ACTR3B: variants seen among roughly 807,000 people sequenced by gnomAD.
ACTR3B encodes the protein actin related protein 3B.
ACTR3B carries 8 observed loss-of-function variants against 59.0 expected under a neutral mutation model. That is an observed-to-expected ratio of 0.14 (90% CI 0.08 to 0.24). ACTR3B has a LOEUF of 0.24. ACTR3B is among the 10% of genes least tolerant of loss of function. The probability of loss-of-function intolerance (pLI) is 1.00; values close to 1 mark genes in which losing one functional copy is unlikely to be tolerated. For missense variants in ACTR3B, 245 were observed against 552.3 expected, an observed-to-expected ratio of 0.44 and a Z score of 5.58; for synonymous variants, 148 against 197.9, an observed-to-expected ratio of 0.75 and a Z score of 2.12.
intron 2 of ACTR3B, among the ~76,000 whole-genome samples, chr7:152,788,562 G>A (rs1283400386): frequency 2.0e-5 from 3 of 151,772 alleles, no homozygotes; most frequent in South Asian, 2.1e-4. Context: ...ACAGGTGCAC[G>A]CCACCATGCT....
At chr7:152,809,773 C>G (rs12703211) in intron 4 of ACTR3B, among the ~76,000 whole-genome samples, 36 of 152,176 alleles carry the variant, frequency 2.4e-4, no homozygotes, top group South Asian at 8.3e-4. Flanking sequence ...AAACTCCTGA[C>G]CTCATGATCC....
At position 152,800,556 on chromosome 7, in the gene ACTR3B, G is replaced by A. The variant is rs1263198465; in HGVS notation, c.126G>A (p.Lys42=). The A allele has an allele frequency of 3.1e-6, 5 of 1,613,844 alleles. No individual in the cohort carries two copies. The highest frequency in any genetic ancestry group is 4.2e-6 in the Non-Finnish European group (5 of 1,179,930). The change falls in exon 3 of 12, where the codon AAG becomes AAA. Residue 42 remains lysine, a synonymous_variant. Transcript: ENST00000256001. The part of the protein sequence containing the change: ...PSCIAIRESA[K]VVDQAQRRVL... ...GTATTGCCATCAGAGAGTCAGCAAAGGTAGTTGACCAAGCTCAAAGGAGAG... is the reference window on the plus strand; with the variant it reads ...GTATTGCCATCAGAGAGTCAGCAAAAGTAGTTGACCAAGCTCAAAGGAGAG...
chr7:152,769,575 A>T (rs1039295270), intron 1 of ACTR3B, among the ~76,000 whole-genome samples: 3 of 152,174 alleles, frequency 2.0e-5, no homozygotes, highest in Non-Finnish European at 4.4e-5. Context: ...ATACTCATAG[A>T]TAGGTGATTT....
At chr7:152,811,344 C>T (rs1795220574) in intron 4 of ACTR3B, 1 of 148,218 alleles carries the variant, frequency 6.7e-6, no homozygotes, top group Admixed American at 6.8e-5. Context: ...GAGTGGGGTA[C>T]TAATTACCTG....
intron 6 of ACTR3B, among the ~76,000 whole-genome samples, chr7:152,817,380 C>CA (rs879520784): frequency 7.2e-4 from 92 of 128,054 alleles, no homozygotes; most frequent in South Asian, 7.4e-4. Flanking sequence ...AACTCCGTCT[C>CA]AAAAAAAAAA....
chr7:152,818,485 T>C (rs1445288747), intron 6 of ACTR3B, among the ~76,000 whole-genome samples: 1 of 152,172 alleles, frequency 6.6e-6, no homozygotes, highest in Non-Finnish European at 1.5e-5. Context: ...AGTTTCACTC[T>C]TGTTGTCCAG....
intron 9 of ACTR3B, among the ~76,000 whole-genome samples, chr7:152,843,982 C>G (rs1798069106): frequency 6.6e-6 from 1 of 152,178 alleles, no homozygotes; most frequent in South Asian, 2.1e-4. Flanking sequence ...TAAAAACACT[C>G]TACCAGAAAT....
At chr7:152,812,253 A>T (rs1445665154) in intron 4 of ACTR3B, 1 of 93,146 alleles carries the variant, frequency 1.1e-5, no homozygotes, top group East Asian at 4.6e-4. Flanking sequence ...CTGGTCTCAA[A>T]CTCCTGACCT....
At chr7:152,778,157 G>A (rs1391849367) in intron 1 of ACTR3B, among the ~76,000 whole-genome samples, 4 of 146,084 alleles carry the variant, frequency 2.7e-5, no homozygotes, top group African/African-American at 7.6e-5. Context: ...TTTTTTTTCT[G>A]CCATTATCTC....
At chr7:152,820,506 C>T in intron 7 of ACTR3B, 64 bp downstream of exon 7, 1 of 1,543,492 alleles carries the variant, frequency 6.5e-7, no homozygotes, top group Non-Finnish European at 8.8e-7. Context: ...GACACTTCCC[C>T]TTGGTGCCAT....
intron 9 of ACTR3B, among the ~76,000 whole-genome samples, chr7:152,833,346 A>G (rs913089258): frequency 6.6e-6 from 1 of 152,182 alleles, no homozygotes; most frequent in Non-Finnish European, 1.5e-5. Context: ...TTAGACACAG[A>G]TTTGTTCAGA....
At chr7:152,765,853 T>C (rs1053431222) in intron 1 of ACTR3B, among the ~76,000 whole-genome samples, 3 of 151,984 alleles carry the variant, frequency 2.0e-5, no homozygotes, top group Non-Finnish European at 1.5e-5. Context: ...GGTGCCAGCA[T>C]CTAATGAGGC....
At chr7:152,814,524 T>G in intron 4 of ACTR3B, 26 bp from the exon 5 acceptor site, 1 of 1,512,474 alleles carries the variant, frequency 6.6e-7, no homozygotes, top group Non-Finnish European at 9.2e-7. Context: ...GGGTAAACAC[T>G]AAATATAGTG....
intron 1 of ACTR3B, among the ~76,000 whole-genome samples, chr7:152,782,773 T>C (rs1437382166): frequency 6.6e-6 from 1 of 151,990 alleles, no homozygotes; most frequent in Non-Finnish European, 1.5e-5. Context: ...GGGAGTTCTT[T>C]TTCTGCAGTT....
At chr7:152,807,165 T>C (rs867361197) in intron 4 of ACTR3B, among the ~76,000 whole-genome samples, 3 of 152,176 alleles carry the variant, frequency 2.0e-5, no homozygotes, top group African/African-American at 7.2e-5. Context: ...ACTCGGAGTT[T>C]AACACTTCAC....
chr7:152,833,889 G>A (rs1403584220), intron 9 of ACTR3B, among the ~76,000 whole-genome samples: 3 of 151,936 alleles, frequency 2.0e-5, no homozygotes, highest in East Asian at 3.9e-4. Flanking sequence ...GTAAGGTTGC[G>A]GGCTATTGAG....
chr7:152,829,312 C>G (rs1405632164), intron 9 of ACTR3B, among the ~76,000 whole-genome samples: 1 of 152,176 alleles, frequency 6.6e-6, no homozygotes, highest in Non-Finnish European at 1.5e-5. Context: ...CAGAGCTTGC[C>G]CATCTTCTGA....
chr7:152,796,860 G>GTTTTTTTTGTTTTT (rs2098218297), intron 2 of ACTR3B, among the ~76,000 whole-genome samples: 1 of 54,738 alleles, frequency 1.8e-5, no homozygotes, highest in Non-Finnish European at 3.2e-5. Flanking sequence ...TAGTTTTTGT[G>GTTTTTTTTGTTTTT]TTTTTTTTTT....
In ACTR3B at chr7:152,820,392, G is replaced by C; in HGVS notation, c.634G>C (p.Glu212Gln). The C allele has an allele frequency of 6.2e-7, 1 of 1,606,214 alleles. No individual in the cohort carries two copies. Among genetic ancestry groups the C allele is most frequent in the Non-Finnish European group, 8.5e-7 (1 of 1,174,950 alleles). Residue 212 changes from glutamate (E) to glutamine (Q), a missense_variant, in exon 7 of 12, where the codon GAG becomes CAG. Glu to Gln is a conservative substitution (Grantham distance 29, BLOSUM62 2). Transcript: ENST00000256001. ...YFIQQLLRER[E>Q]VGIPPEQSLE... The stretch of plus-strand genomic sequence containing the variant: ...CATTCAACAGCTGCTAAGGGAGAGG[G>C]AGGTGGGAATCCCTCCTGAGCAGTC...
Sources: allele counts gnomAD v4.1 joint callset (sites outside exome capture counted in the v4.1 genomes callset), GRCh38; gene constraint gnomAD v4.1.1; transcripts MANE v1.5; gene names NCBI Gene and HGNC (gene_info 2026-07-23, HGNC 2026-07-21).